Variants in PPP2R2C observed in about 807,000 individuals in gnomAD.
PPP2R2C encodes the protein protein phosphatase 2, regulatory subunit B, gamma.
PPP2R2C carries 10 observed loss-of-function variants against 45.3 expected under a neutral mutation model. The observed-to-expected ratio is 0.22, with a 90% CI of 0.14 to 0.37. PPP2R2C has a LOEUF of 0.37. PPP2R2C is among the 10% of genes least tolerant of loss of function. PPP2R2C has a pLI of 1.00. For missense variants in PPP2R2C, 308 were observed against 619.7 expected (o/e 0.50, Z 5.34); for synonymous variants, 257 against 245.4 (o/e 1.05, Z -0.44).
At chr4:6,440,267 T>C (rs1720088785) in intron 1 of PPP2R2C, among the ~76,000 whole-genome samples, 1 of 152,254 alleles carries the variant, frequency 6.6e-6, no homozygotes. Context: ...TGAGTACATG[T>C]TGCATGAATT....
chr4:6,467,642 C>G (rs774724696), intron 1 of PPP2R2C, among the ~76,000 whole-genome samples: 13 of 152,200 alleles, frequency 8.5e-5, no homozygotes, highest in Non-Finnish European at 1.8e-4. Flanking sequence ...CTGTGGGTTA[C>G]AGATCAGCCT....
At chr4:6,544,741 A>T (rs565888253) in intron 1 of PPP2R2C, among the ~76,000 whole-genome samples, 1 of 152,332 alleles carries the variant, frequency 6.6e-6, no homozygotes, top group East Asian at 1.9e-4. Flanking sequence ...TTGAAATAGA[A>T]ACTGCTGGCC....
intron 6 of PPP2R2C, among the ~76,000 whole-genome samples, chr4:6,346,378 C>T (rs566447331): frequency 1.3e-5 from 2 of 152,302 alleles, no homozygotes; most frequent in South Asian, 2.1e-4. Flanking sequence ...GAGATCGGCA[C>T]CACCCACCCC....
At chr4:6,457,374 AT>A (rs879313233) in intron 1 of PPP2R2C, among the ~76,000 whole-genome samples, 9 of 151,552 alleles carry the variant, frequency 5.9e-5, no homozygotes, top group Admixed American at 2.6e-4. Context: ...TGCACTGGGA[AT>A]TTTTTTTTCT....
intron 1 of PPP2R2C, among the ~76,000 whole-genome samples, chr4:6,551,170 T>A (rs1725172060): frequency 6.6e-6 from 1 of 152,156 alleles, no homozygotes; most frequent in Non-Finnish European, 1.5e-5. Flanking sequence ...AAGCTGGGGA[T>A]AAGAAACATA....
At position 6,368,468 on chromosome 4, in the gene PPP2R2C, A is replaced by G. The variant is rs1295328192; in HGVS notation, c.625+4055T>C. On this transcript the variant is annotated intron_variant, in intron 5 of 8. Coordinates refer to ENST00000382599, the MANE Select transcript of PPP2R2C (RefSeq NM_020416.4). The surrounding 1 kb of genome is among the most constrained non-coding windows in gnomAD (Gnocchi z 4.2). ...AGGGCTGGCACACAGTAGGTGCTTA[A>G]TAAATACCTGCTGGTAAATGGTGTG... 1.3e-5 allele frequency among the ~76,000 whole-genome samples: 2 copies of G among 152,194 alleles called. No individual in the cohort carries two copies. The highest frequency in any genetic ancestry group is 4.8e-5 in the African/African-American group (2 of 41,440).
chr4:6,485,591 C>T (rs142702591), intron 2 of PPP2R2C, among the ~76,000 whole-genome samples: 1 of 151,912 alleles, frequency 6.6e-6, no homozygotes, highest in East Asian at 1.9e-4. Flanking sequence ...CTTCAGTAAG[C>T]TTTGGTAATT....
chr4:6,365,162 A>T (rs1577111393), intron 5 of PPP2R2C, among the ~76,000 whole-genome samples: 1 of 152,224 alleles, frequency 6.6e-6, no homozygotes, highest in East Asian at 1.9e-4. Flanking sequence ...CACCAAGTCC[A>T]ATGCTCAACA....
chr4:6,357,725 G>A (rs1457115893), intron 5 of PPP2R2C, among the ~76,000 whole-genome samples: 1 of 152,194 alleles, frequency 6.6e-6, no homozygotes, highest in Non-Finnish European at 1.5e-5. Context: ...CCTCACCCTG[G>A]TGGGTGGGGG....
chr4:6,554,926 GGAAGGAAAGAAAGAAAGAAA>G (rs755649421), intron 1 of PPP2R2C, among the ~76,000 whole-genome samples: 45 of 95,056 alleles, frequency 4.7e-4, no homozygotes, highest in East Asian at 1.3e-3. Context: ...AAGGAAGGAA[GGAAGGAAAGAAAGAAAGAAA>G]GAAAGAAAGA....
At chr4:6,394,367 C>G (rs1436429446) in intron 1 of PPP2R2C, among the ~76,000 whole-genome samples, 1 of 152,228 alleles carries the variant, frequency 6.6e-6, no homozygotes, top group Non-Finnish European at 1.5e-5. Context: ...CACCAAGAAA[C>G]TGCTAGAAAT....
chr4:6,540,690 C>T (rs961021291), intron 1 of PPP2R2C, among the ~76,000 whole-genome samples: 3 of 152,238 alleles, frequency 2.0e-5, no homozygotes, highest in Non-Finnish European at 4.4e-5. Flanking sequence ...ACGTTCCCAC[C>T]ACAGTGCATA....
intron 1 of PPP2R2C, among the ~76,000 whole-genome samples, chr4:6,458,628 C>G (rs59067139): frequency 1.7e-3 from 261 of 152,328 alleles, no homozygotes; most frequent in Middle Eastern, 0.017. Flanking sequence ...GGAGGCAGCA[C>G]AACTACATGC....
At chr4:6,556,102 C>T (rs1000189889) in intron 1 of PPP2R2C, among the ~76,000 whole-genome samples, 2 of 152,142 alleles carry the variant, frequency 1.3e-5, no homozygotes, top group Non-Finnish European at 2.9e-5. Flanking sequence ...GGGGAGCATC[C>T]GCATGGGGCA....
chr4:6,404,672 G>A (rs912528749), intron 1 of PPP2R2C, among the ~76,000 whole-genome samples: 13 of 152,114 alleles, frequency 8.5e-5, no homozygotes, highest in Non-Finnish European at 1.9e-4. Context: ...CCAGGAAGCT[G>A]TAGTTAACAG....
intron 2 of PPP2R2C, among the ~76,000 whole-genome samples, chr4:6,518,939 A>T (rs1252452551): frequency 1.8e-5 from 2 of 111,864 alleles, no homozygotes; most frequent in Non-Finnish European, 4.0e-5. Flanking sequence ...AAAAAAAAAA[A>T]AAAAAAAAAA....
chr4:6,490,488 C>T (rs941069073), intron 2 of PPP2R2C, among the ~76,000 whole-genome samples: 2 of 152,180 alleles, frequency 1.3e-5, no homozygotes, highest in Admixed American at 6.5e-5. Flanking sequence ...GACTACAGGA[C>T]ATACTGGAGC....
Position 6,398,524 on chromosome 4 carries a change from C to A in PPP2R2C, c.71-17430G>T, listed in dbSNP as rs13117823. 7.4e-3 allele frequency among the ~76,000 whole-genome samples: 1,124 copies of A among 152,216 alleles called. 6 individuals carry two copies. Among genetic ancestry groups the A allele is most frequent in the Middle Eastern group, 0.041 (12 of 292 alleles). ...AGGGGCTTAACATCATCAGTCATCA[C>A]AAGACGCAGATGCAAATCACAACGA... On this transcript the variant is annotated intron_variant, in intron 1 of 8. Transcript: ENST00000382599.
rs1001430055 is a variant in PPP2R2C at position 6,328,793 on chromosome 4, G to T, written c.1052+469C>A. ...CCCCTGAGCCTCAGCGGGCCCGAGT[G>T]GGGTGTCACCAGGAAGAGAGGGAGA... On this transcript the variant is annotated intron_variant, in intron 8 of 8. Coordinates refer to ENST00000382599, the MANE Select transcript of PPP2R2C (RefSeq NM_020416.4). The surrounding 1 kb of genome is among the most constrained non-coding windows in gnomAD (Gnocchi z 4.4). 6.6e-6 allele frequency among the ~76,000 whole-genome samples: 1 copy of T among 152,186 alleles called. No homozygotes were observed. Among genetic ancestry groups the T allele is most frequent in the African/African-American group, 2.4e-5 (1 of 41,442 alleles).
Sources: gnomAD v4.1 joint callset for allele counts (sites outside exome capture counted in the v4.1 genomes callset) on GRCh38, gnomAD v4.1.1 for gene constraint, Gnocchi (gnomAD v3.1) non-coding constraint, MANE v1.5 for transcripts, NCBI Gene and HGNC (gene_info 2026-07-23, HGNC 2026-07-21) for gene names.